Variants in CNTN5 observed in about 807,000 individuals in gnomAD.
CNTN5 encodes contactin-5.
A neutral mutation model predicts 129.1 loss-of-function variants in CNTN5; 77 were observed. The observed-to-expected ratio is 0.60, with a 90% CI of 0.50 to 0.72. The LOEUF (loss-of-function observed/expected upper bound fraction) is 0.72, where lower values mean the gene tolerates loss of function less well. CNTN5 is among the 30% of genes least tolerant of loss of function. The pLI is 0.00. For missense variants in CNTN5, 1,478 were observed against 1,328.8 expected (o/e 1.11, Z -1.75); for synonymous variants, 509 against 465.6 (o/e 1.09, Z -1.20).
intron 3 of CNTN5, among the ~76,000 whole-genome samples, chr11:99,795,588 C>CTTTTTT (rs35521565): frequency 6.5e-4 from 93 of 143,196 alleles, no homozygotes; most frequent in South Asian, 5.1e-3. Flanking sequence ...TCCTTTAGAT[C>CTTTTTT]TTTTTTTTTT....
intron 1 of CNTN5, among the ~76,000 whole-genome samples, chr11:99,206,004 C>T (rs890980762): frequency 1.4e-4 from 21 of 152,050 alleles, no homozygotes; most frequent in Non-Finnish European, 2.6e-4. Context: ...TCTGTGAGGG[C>T]AAAGTGGCTT....
chr11:99,223,990 A>G (rs1480707470), intron 1 of CNTN5, among the ~76,000 whole-genome samples: 1 of 151,994 alleles, frequency 6.6e-6, no homozygotes, highest in Non-Finnish European at 1.5e-5. Context: ...CTCCGCATAC[A>G]CTCTTAATTC....
At chr11:100,040,801 T>C (rs1311842946) in intron 9 of CNTN5, among the ~76,000 whole-genome samples, 1 of 152,114 alleles carries the variant, frequency 6.6e-6, no homozygotes, top group Non-Finnish European at 1.5e-5. Flanking sequence ...TCTCCTGGTG[T>C]GCCATTTTTT....
At chr11:99,685,647 G>A (rs965382402) in intron 3 of CNTN5, among the ~76,000 whole-genome samples, 1 of 151,942 alleles carries the variant, frequency 6.6e-6, no homozygotes. Flanking sequence ...TGATAGCATA[G>A]ATAAGCAAGC....
At position 100,029,214 on chromosome 11, in the gene CNTN5, T is replaced by C. The variant is rs1258949617; in HGVS notation, c.980+27078T>C. On this transcript the variant is annotated intron_variant, in intron 9 of 24. Coordinates refer to ENST00000524871, the MANE Select transcript of CNTN5 (RefSeq NM_014361.4). ...ATGTCTAAGAAAGTCTGGTTTTAGT[T>C]ATAATATCAACTGAAATATTCTCTG... 1.6e-4 allele frequency among the ~76,000 whole-genome samples: 24 copies of C among 152,158 alleles called. 1 individual carries two copies. The highest frequency in any genetic ancestry group is 1.6e-3 in the Admixed American group (24 of 15,266).
At chr11:100,121,456 C>T (rs1433170139) in intron 13 of CNTN5, among the ~76,000 whole-genome samples, 1 of 151,446 alleles carries the variant, frequency 6.6e-6, no homozygotes, top group East Asian at 1.9e-4. Flanking sequence ...GATAAGGGAA[C>T]TTCAGCCTGT....
chr11:99,471,942 A>G (rs1001209031), intron 2 of CNTN5, among the ~76,000 whole-genome samples: 1 of 152,068 alleles, frequency 6.6e-6, no homozygotes, highest in African/African-American at 2.4e-5. Context: ...TATTGAATGA[A>G]TTAAGTTTCT....
At chr11:99,406,464 T>G (rs772873020) in intron 2 of CNTN5, among the ~76,000 whole-genome samples, 1 of 152,088 alleles carries the variant, frequency 6.6e-6, no homozygotes, top group Admixed American at 6.5e-5. Context: ...CAAGCTCCCC[T>G]GTGGCCACTG....
chr11:99,769,666 C>T (rs1028770332), intron 3 of CNTN5, among the ~76,000 whole-genome samples: 1 of 151,888 alleles, frequency 6.6e-6, no homozygotes, highest in Non-Finnish European at 1.5e-5. Flanking sequence ...GCGAAACCCC[C>T]AGCCAGGTGT....
At chr11:99,423,385 A>G (rs1176512511) in intron 2 of CNTN5, among the ~76,000 whole-genome samples, 1 of 152,198 alleles carries the variant, frequency 6.6e-6, no homozygotes, top group Admixed American at 6.5e-5. Context: ...TTTACATTTC[A>G]AAGAGATGGC....
chr11:100,033,572 C>A (rs966294716), intron 9 of CNTN5, among the ~76,000 whole-genome samples: 6 of 152,146 alleles, frequency 3.9e-5, no homozygotes, highest in African/African-American at 1.4e-4. Flanking sequence ...TGGTCCATCG[C>A]TTATTCTCTC....
In CNTN5 at chr11:99,833,648, G is replaced by T. The variant is rs555511489; in HGVS notation, c.278-11204G>T. Among the ~76,000 whole-genome samples the T allele has an allele frequency of 5.3e-5, 8 of 152,216 alleles. No individual in the cohort carries two copies. In the South Asian group the frequency reaches 1.7e-3, roughly 32 times the overall value. ...TAAATTTAGGAATACGTTTGTTGAG[G>T]TGCAATCTTATTGTAAACTGAAGAG... On this transcript the variant is annotated intron_variant, in intron 4 of 24. Coordinates refer to ENST00000524871, the MANE Select transcript of CNTN5 (RefSeq NM_014361.4).
In CNTN5 at chr11:99,107,304, A is replaced by G. The variant is rs367578517; in HGVS notation, c.-210+86034A>G. On this transcript the variant is annotated intron_variant, in intron 1 of 24. Coordinates refer to ENST00000524871, the MANE Select transcript of CNTN5 (RefSeq NM_014361.4). Reference sequence around the variant, plus strand: ...TGGCCGTCTATGAAAGTATATCTATAACATGAACAAATTTATGCAAAATTA... The same window carrying G: ...TGGCCGTCTATGAAAGTATATCTATGACATGAACAAATTTATGCAAAATTA... Among the ~76,000 whole-genome samples, 13 of 152,320 alleles carry G rather than the reference A, an allele frequency of 8.5e-5. No homozygotes were observed. In the East Asian group the frequency reaches 1.7e-3, roughly 20 times the overall value.
intron 23 of CNTN5, among the ~76,000 whole-genome samples, chr11:100,342,461 T>C (rs2139018109): frequency 6.6e-6 from 1 of 152,230 alleles, no homozygotes; most frequent in East Asian, 1.9e-4. Context: ...GAAAACCAGA[T>C]AAACGTGTAT....
chr11:99,527,637 A>G (rs889438960), intron 2 of CNTN5, among the ~76,000 whole-genome samples: 1 of 152,194 alleles, frequency 6.6e-6, no homozygotes. Context: ...TCATTGAAAC[A>G]TGAAGGCATA....
chr11:99,562,894 A>T (rs1948887858), intron 3 of CNTN5, among the ~76,000 whole-genome samples: 1 of 152,172 alleles, frequency 6.6e-6, no homozygotes, highest in Admixed American at 6.5e-5. Context: ...TAGGTGAAAA[A>T]TATCTAAAAT....
chr11:99,266,726 T>G (rs1343579942), intron 1 of CNTN5, among the ~76,000 whole-genome samples: 1 of 152,124 alleles, frequency 6.6e-6, no homozygotes, highest in Non-Finnish European at 1.5e-5. Flanking sequence ...GCAAAGCCTA[T>G]GCCATTTTTT....
intron 21 of CNTN5, among the ~76,000 whole-genome samples, chr11:100,322,963 TAGTC>T (rs1415519764): frequency 6.6e-6 from 1 of 152,218 alleles, no homozygotes; most frequent in African/African-American, 2.4e-5. Context: ...TAATGCCACT[TAGTC>T]AATCTCCTAT....
intron 2 of CNTN5, among the ~76,000 whole-genome samples, chr11:99,465,207 A>G (rs181440267): frequency 3.0e-4 from 46 of 152,222 alleles, no homozygotes; most frequent in African/African-American, 1.0e-3. Flanking sequence ...TACTTCACCT[A>G]TTTGTTTCCC....
Sources: allele counts gnomAD v4.1 joint callset (sites outside exome capture counted in the v4.1 genomes callset), GRCh38; gene constraint gnomAD v4.1.1; transcripts MANE v1.5; gene names NCBI Gene and HGNC (gene_info 2026-07-23, HGNC 2026-07-21).